The following SNX4 variants were observed in gnomAD, a reference collection of about 807,000 sequenced individuals.
SNX4 encodes the protein sorting nexin-4.
In SNX4, 49 loss-of-function variants were observed where a neutral mutation model predicts 70.8. That is an observed-to-expected ratio of 0.69 (90% CI 0.55 to 0.88). SNX4 has a LOEUF of 0.88. Among genes scored for constraint, SNX4 ranks in the 40% least tolerant of loss-of-function variants. The probability of loss-of-function intolerance (pLI) is 0.00; values close to 1 mark genes in which losing one functional copy is unlikely to be tolerated. For missense variants in SNX4, 528 were observed against 544.8 expected (o/e 0.97, Z 0.31); for synonymous variants, 206 against 183.8 (o/e 1.12, Z -0.98).
chr3:125,468,015 TA>T (rs1290314994), intron 9 of SNX4, among the ~76,000 whole-genome samples: 1 of 152,120 alleles, frequency 6.6e-6, no homozygotes, highest in Non-Finnish European at 1.5e-5. Flanking sequence ...GTGGACTGGA[TA>T]AAGAAACTGT....
chr3:125,485,103 AG>A (rs1238031452), intron 6 of SNX4, among the ~76,000 whole-genome samples: 3 of 151,938 alleles, frequency 2.0e-5, no homozygotes, highest in Non-Finnish European at 2.9e-5. Context: ...CCAGCCAGCC[AG>A]GCTTGATGGC....
intron 10 of SNX4, among the ~76,000 whole-genome samples, chr3:125,459,780 T>C (rs1361525316): frequency 6.6e-6 from 1 of 152,126 alleles, no homozygotes; most frequent in Non-Finnish European, 1.5e-5. Context: ...TTGGTGAGAC[T>C]TCCTACTACT....
At chr3:125,458,214 C>G (rs1252904610) in intron 10 of SNX4, among the ~76,000 whole-genome samples, 2 of 150,256 alleles carry the variant, frequency 1.3e-5, no homozygotes, top group Non-Finnish European at 3.0e-5. Context: ...ACTCTGTCAC[C>G]CAGGCTGGAG....
At chr3:125,504,602 G>A (rs762271035) in intron 2 of SNX4, 21 bp downstream of exon 2, 5 of 1,605,504 alleles carry the variant, frequency 3.1e-6, no homozygotes, top group South Asian at 1.1e-5. Context: ...TACCTGCCCA[G>A]GTGTAATTTC....
chr3:125,518,943 G>A (rs1227325756), intron 1 of SNX4, among the ~76,000 whole-genome samples: 1 of 152,030 alleles, frequency 6.6e-6, no homozygotes, highest in Non-Finnish European at 1.5e-5. Flanking sequence ...AACCTGGGAG[G>A]CAGAGGTTGC....
At chr3:125,450,651 A>C (rs1933548006) in intron 13 of SNX4, among the ~76,000 whole-genome samples, 1 of 152,250 alleles carries the variant, frequency 6.6e-6, no homozygotes, top group South Asian at 2.1e-4. Context: ...TTCTTAAACC[A>C]ACGTTTTAGA....
At chr3:125,458,673 G>C (rs1255153592) in intron 10 of SNX4, among the ~76,000 whole-genome samples, 1 of 151,780 alleles carries the variant, frequency 6.6e-6, no homozygotes, top group East Asian at 1.9e-4. Context: ...AAAAAGCCGG[G>C]AGAGGTGGCA....
intron 10 of SNX4, among the ~76,000 whole-genome samples, chr3:125,459,587 C>A (rs1254685826): frequency 6.6e-6 from 1 of 152,108 alleles, no homozygotes; most frequent in African/African-American, 2.4e-5. Context: ...CAGGCACCCA[C>A]CACTATGCCT....
Position 125,520,017 on chromosome 3 carries a change from G to T in SNX4, c.141+15C>A. 7.0e-7 allele frequency: 1 copy of T among 1,429,650 alleles called. No individual in the cohort carries two copies. The allele number at this position is 1,429,650 out of a possible 1,614,324, so 88.6% of individuals were successfully genotyped here. Reference sequence around the variant, plus strand: ...CCACACAGGCCATGAGGGCTCTGCCGCCCCTTCTCCTCACCGTGTCGACCC... The same window carrying T: ...CCACACAGGCCATGAGGGCTCTGCCTCCCCTTCTCCTCACCGTGTCGACCC... On this transcript the variant is annotated intron_variant, in intron 1 of 13. Transcript: ENST00000251775.
chr3:125,497,503 TA>T (rs1449419742), intron 4 of SNX4, 115 bp from the exon 5 acceptor site: 6 of 739,090 alleles, frequency 8.1e-6, no homozygotes, highest in Non-Finnish European at 1.1e-5. Context: ...GAGAGAAGTT[TA>T]AAAAAATTTC....
chr3:125,494,915 C>T (rs1342866661), intron 5 of SNX4, among the ~76,000 whole-genome samples: 2 of 152,030 alleles, frequency 1.3e-5, no homozygotes, highest in Admixed American at 1.3e-4. Flanking sequence ...ACTCACATAC[C>T]ACTGCTACCT....
chr3:125,512,921 T>C (rs1366217928), intron 1 of SNX4, among the ~76,000 whole-genome samples: 4 of 152,088 alleles, frequency 2.6e-5, no homozygotes, highest in Non-Finnish European at 5.9e-5. Flanking sequence ...TACCACCACA[T>C]TCAACTAATT....
chr3:125,480,547 G>A (rs1934387164), intron 6 of SNX4, among the ~76,000 whole-genome samples: 1 of 152,058 alleles, frequency 6.6e-6, no homozygotes, highest in Non-Finnish European at 1.5e-5. Flanking sequence ...TTACCTCGTG[G>A]AACTGAGATA....
In SNX4 at chr3:125,471,993, C is replaced by T. The variant is rs72977738; in HGVS notation, c.789-2474G>A. On this transcript the variant is annotated intron_variant, in intron 8 of 13. Transcript: ENST00000251775. ...AAAACAAACATAACATCAGCAGCAC[C>T]ATGAACATACTACAAAATCTTCCCT... 6.9e-3 allele frequency among the ~76,000 whole-genome samples: 1,052 copies of T among 152,294 alleles called. 7 individuals are homozygous for T. Among genetic ancestry groups the T allele is most frequent in the African/African-American group, 0.02 (848 of 41,568 alleles).
At chr3:125,462,615 A>AAG (rs1331656974) in intron 9 of SNX4, among the ~76,000 whole-genome samples, 19 of 151,166 alleles carry the variant, frequency 1.3e-4, no homozygotes, top group African/African-American at 3.6e-4. Flanking sequence ...AAAAAAAAAA[A>AAG]AGAGAGAAGA....
At chr3:125,508,880 A>G (rs1409857232) in intron 1 of SNX4, among the ~76,000 whole-genome samples, 3 of 148,340 alleles carry the variant, frequency 2.0e-5, no homozygotes, top group Non-Finnish European at 4.4e-5. Flanking sequence ...AAATGGTTCA[A>G]AGACCAAAGC....
At chr3:125,519,937 TG>T in intron 1 of SNX4, 94 bp downstream of exon 1, 1 of 874,482 alleles carries the variant, frequency 1.1e-6, no homozygotes, top group Non-Finnish European at 1.6e-6. Flanking sequence ...CCGAGCCCAC[TG>T]GCCCGGCCCG....
At chr3:125,456,104 G>A (rs1353246264) in intron 11 of SNX4, among the ~76,000 whole-genome samples, 1 of 152,140 alleles carries the variant, frequency 6.6e-6, no homozygotes, top group Non-Finnish European at 1.5e-5. Context: ...TCACCATGAT[G>A]GCTGATTTAT....
intron 12 of SNX4, among the ~76,000 whole-genome samples, chr3:125,452,550 C>T (rs1294500819): frequency 6.6e-6 from 1 of 152,066 alleles, no homozygotes; most frequent in Non-Finnish European, 1.5e-5. Flanking sequence ...CCACTGCACT[C>T]CGGCCTGGGC....
Sources: gnomAD v4.1 joint callset for allele counts (sites outside exome capture counted in the v4.1 genomes callset) on GRCh38, gnomAD v4.1.1 for gene constraint, MANE v1.5 for transcripts, NCBI Gene and HGNC (gene_info 2026-07-23, HGNC 2026-07-21) for gene names.